The following CYYR1 variants were observed in gnomAD, a reference collection of about 807,000 sequenced individuals.
The protein encoded by CYYR1 is cysteine and tyrosine-rich protein 1.
A neutral mutation model predicts 15.2 loss-of-function variants in CYYR1; 14 were observed. That is an observed-to-expected ratio of 0.92 (90% CI 0.61 to 1.44). The LOEUF is 1.44. Among genes scored for constraint, CYYR1 ranks in the 40% most tolerant of loss-of-function variants. The probability of loss-of-function intolerance (pLI) is 0.00; values close to 1 mark genes in which losing one functional copy is unlikely to be tolerated. For synonymous variants in CYYR1, 80 were observed against 77.4 expected, an observed-to-expected ratio of 1.03 and a Z score of -0.18; for missense variants, 228 against 209.5, an observed-to-expected ratio of 1.09 and a Z score of -0.54.
chr21:26,475,968 T>A (rs144000595), intron 3 of CYYR1, among the ~76,000 whole-genome samples: 168 of 152,244 alleles, frequency 1.1e-3, no homozygotes, highest in Non-Finnish European at 2.0e-3. Context: ...TGAAGATTGT[T>A]TTTAATATTC....
At chr21:26,480,192 C>G (rs1414272777) in intron 3 of CYYR1, 80 bp downstream of exon 3, 1 of 1,396,040 alleles carries the variant, frequency 7.2e-7, no homozygotes, top group Non-Finnish European at 9.6e-7. Context: ...CATTGACCAT[C>G]TAGAATGTTT....
chr21:26,480,557 TTTC>T, intron 2 of CYYR1, 128 bp from the exon 3 acceptor site: 1 of 945,356 alleles, frequency 1.1e-6, no homozygotes, highest in Middle Eastern at 2.5e-4. Context: ...TGTGTGTGTT[TTTC>T]TTTTCTTTTT....
chr21:26,519,289 T>C (rs1347565295), intron 2 of CYYR1, among the ~76,000 whole-genome samples: 1 of 152,116 alleles, frequency 6.6e-6, no homozygotes, highest in Non-Finnish European at 1.5e-5. Flanking sequence ...GCTATAAAAT[T>C]GTACAAAGTA....
chr21:26,519,320 G>A (rs527918523), intron 2 of CYYR1, among the ~76,000 whole-genome samples: 37 of 152,300 alleles, frequency 2.4e-4, no homozygotes, highest in Non-Finnish European at 4.1e-4. Context: ...AGTCAGCCAG[G>A]ATCAGGGGAA....
intron 2 of CYYR1, among the ~76,000 whole-genome samples, chr21:26,494,863 C>CTCT (rs2065373377): frequency 6.6e-6 from 1 of 152,162 alleles, no homozygotes; most frequent in South Asian, 2.1e-4. Context: ...GTGCTACTTA[C>CTCT]TCTTGTAAGA....
chr21:26,482,196 T>A, intron 2 of CYYR1: 4 of 698,042 alleles, frequency 5.7e-6, no homozygotes, highest in Non-Finnish European at 7.1e-6. Context: ...GCCATAACTT[T>A]GCTATCTGCT....
intron 2 of CYYR1, among the ~76,000 whole-genome samples, chr21:26,559,511 T>A (rs1044242109): frequency 3.9e-5 from 6 of 152,198 alleles, no homozygotes; most frequent in African/African-American, 1.4e-4. Flanking sequence ...TTGTGTTTTT[T>A]AATCTTTTAT....
At chr21:26,568,753 G>A (rs1980814767) in intron 1 of CYYR1, 1 of 151,898 alleles carries the variant, frequency 6.6e-6, no homozygotes, top group African/African-American at 2.4e-5. Flanking sequence ...TTAAATAATT[G>A]AACAAACAAA....
intron 2 of CYYR1, chr21:26,483,512 A>C: frequency 2.8e-6 from 2 of 712,724 alleles, no homozygotes; most frequent in Non-Finnish European, 3.4e-6. Context: ...CTGAGATCAG[A>C]CCATAGATCT....
intron 2 of CYYR1, among the ~76,000 whole-genome samples, chr21:26,511,987 TACACACACACACAC>T (rs61382991): frequency 2.7e-5 from 4 of 148,122 alleles, no homozygotes; most frequent in Admixed American, 2.7e-4. Flanking sequence ...ATATCACACA[TACACACACACACAC>T]ACACACACAC....
intron 2 of CYYR1, among the ~76,000 whole-genome samples, chr21:26,497,997 A>C (rs545551154): frequency 6.6e-6 from 1 of 152,298 alleles, no homozygotes; most frequent in East Asian, 1.9e-4. Flanking sequence ...TTTGGTTTGA[A>C]ATTTCAAGAA....
chr21:26,544,084 TCTAA>T (rs1978777920), intron 2 of CYYR1, among the ~76,000 whole-genome samples: 1 of 152,154 alleles, frequency 6.6e-6, no homozygotes, highest in South Asian at 2.1e-4. Flanking sequence ...ACATACCATT[TCTAA>T]CTGTCTGACA....
intron 2 of CYYR1, among the ~76,000 whole-genome samples, chr21:26,524,954 G>T (rs1197443428): frequency 6.6e-6 from 1 of 152,162 alleles, no homozygotes; most frequent in Non-Finnish European, 1.5e-5. Context: ...AGCATGTATT[G>T]AAGGGTGAAT....
At chr21:26,518,513 C>G (rs992114774) in intron 2 of CYYR1, 1 of 152,428 alleles carries the variant, frequency 6.6e-6, no homozygotes, top group African/African-American at 2.4e-5. Context: ...TTGGGATGAC[C>G]CTTGCCAGAT....
At chr21:26,518,151 C>G (rs2123548433) in intron 2 of CYYR1, among the ~76,000 whole-genome samples, 1 of 152,174 alleles carries the variant, frequency 6.6e-6, no homozygotes, top group East Asian at 1.9e-4. Flanking sequence ...GAGACAGTGT[C>G]TTGGTTATGA....
intron 2 of CYYR1, among the ~76,000 whole-genome samples, chr21:26,535,013 T>A (rs1569164240): frequency 6.6e-6 from 1 of 152,212 alleles, no homozygotes; most frequent in Non-Finnish European, 1.5e-5. Flanking sequence ...ATTATTTATT[T>A]ATTTACTTAA....
At chr21:26,528,928 C>G (rs2065897393) in intron 2 of CYYR1, among the ~76,000 whole-genome samples, 1 of 152,188 alleles carries the variant, frequency 6.6e-6, no homozygotes, top group Non-Finnish European at 1.5e-5. Flanking sequence ...TTCTCTGGAA[C>G]AGGTGGGCTA....
In CYYR1 at chr21:26,566,305, T is replaced by G. The variant is rs1980611926; in HGVS notation, c.137A>C (p.Tyr46Ser). 6.2e-7 allele frequency: 1 copy of G among 1,613,808 alleles called. No individual in the cohort carries two copies. The highest frequency in any genetic ancestry group is 1.1e-5 in the South Asian group (1 of 91,070). The change falls in exon 2 of 4, where the codon TAC (tyrosine) becomes TCC (serine). Residue 46 changes from tyrosine to serine, a missense_variant. Physicochemically the swap from Tyr to Ser is moderately radical, Grantham distance 144. Coordinates refer to ENST00000652641, the MANE Select transcript of CYYR1 (RefSeq NM_001320768.2). ...KSYCCDGTTP[Y>S]CCSYYAYIGN... Reference sequence around the variant, plus strand: ...AATATAAGCGTAGTAGGAGCAACAGTAGGGCGTGGTTCCATCACAGCAGTA... The same window carrying G: ...AATATAAGCGTAGTAGGAGCAACAGGAGGGCGTGGTTCCATCACAGCAGTA...
intron 2 of CYYR1, 121 bp from the exon 3 acceptor site, chr21:26,480,550 G>A (rs2065164044): frequency 9.8e-7 from 1 of 1,020,206 alleles, no homozygotes; most frequent in South Asian, 2.4e-5. Context: ...GATAATGTGT[G>A]TGTGTTTTTC....
Sources: allele counts gnomAD v4.1 joint callset (sites outside exome capture counted in the v4.1 genomes callset), GRCh38; gene constraint gnomAD v4.1.1; transcripts MANE v1.5; gene names NCBI Gene and HGNC (gene_info 2026-07-23, HGNC 2026-07-21).